The following GPC6 variants were observed in gnomAD, a reference collection of about 807,000 sequenced individuals.
GPC6 encodes glypican-6.
In GPC6, 14 loss-of-function variants were observed where a neutral mutation model predicts 55.2. That is an observed-to-expected ratio of 0.25 (90% confidence interval 0.17 to 0.40). The LOEUF is 0.40. GPC6 is among the 10% of genes least tolerant of loss of function. The pLI, the probability that GPC6 is intolerant of heterozygous loss-of-function variation, is 1.00. For missense variants in GPC6, 641 were observed against 708.5 expected, an observed-to-expected ratio of 0.90 and a Z score of 1.08; for synonymous variants, 278 against 259.6, an observed-to-expected ratio of 1.07 and a Z score of -0.68.
intron 2 of GPC6, among the ~76,000 whole-genome samples, chr13:93,710,688 T>TA (rs1883023153): frequency 7.1e-6 from 1 of 141,236 alleles, no homozygotes; most frequent in African/African-American, 2.7e-5. Flanking sequence ...TCATTTAAAG[T>TA]CCCCCCCCCC....
rs1310036583 is a variant in GPC6, at chr13:93,676,190, CAT to C, written c.319+130776_319+130777del. Reference sequence around the variant, plus strand: ...ATATACATACACACACACACACACACATATATATGTATGTATGTATATGTGTA... The same window carrying C: ...ATATACATACACACACACACACACACATATATGTATGTATGTATATGTGTA... On this transcript the variant is annotated intron_variant, in intron 2 of 8. Transcript: ENST00000377047. 3.0e-3 allele frequency among the ~76,000 whole-genome samples: 222 copies of C among 75,184 alleles called. 4 individuals are homozygous for C. Among genetic ancestry groups the C allele is most frequent in the African/African-American group, 7.6e-3 (181 of 23,764 alleles). 49.3% of individuals were successfully genotyped at this position (75,184 alleles called of 152,430 possible).
intron 2 of GPC6, among the ~76,000 whole-genome samples, chr13:93,822,855 T>A (rs1232009911): frequency 1.4e-5 from 2 of 147,218 alleles, no homozygotes; most frequent in Non-Finnish European, 3.0e-5. Context: ...TTATTATTAT[T>A]TTATTATTAT....
chr13:94,189,949 A>T (rs1889331487), intron 4 of GPC6, among the ~76,000 whole-genome samples: 1 of 147,554 alleles, frequency 6.8e-6, no homozygotes, highest in Non-Finnish European at 1.5e-5. Flanking sequence ...TGAAACTGGG[A>T]GGCGGAGCTT....
At chr13:93,807,179 T>C (rs961845939) in intron 2 of GPC6, among the ~76,000 whole-genome samples, 1 of 152,202 alleles carries the variant, frequency 6.6e-6, no homozygotes, top group African/African-American at 2.4e-5. Flanking sequence ...ATTGCTCTTC[T>C]CCCGTTTCAC....
intron 2 of GPC6, among the ~76,000 whole-genome samples, chr13:93,736,939 A>G (rs1386275661): frequency 6.6e-6 from 1 of 152,192 alleles, no homozygotes. Context: ...ACAATTTCCT[A>G]TTAAGCTTTG....
rs749434761 is a variant in GPC6 at position 93,545,221 on chromosome 13, A to T, written c.161-42A>T. On this transcript the variant is annotated intron_variant, in intron 1 of 8. Transcript: ENST00000377047. Reference sequence around the variant, plus strand: ...AGTGAAATCTCTAACGTCTACCAAAAGTCCTTAGAATGCAATAGTGACATT... The same window carrying T: ...AGTGAAATCTCTAACGTCTACCAAATGTCCTTAGAATGCAATAGTGACATT... 11 of 1,561,410 alleles carry T rather than the reference A, an allele frequency of 7.0e-6. No homozygotes were observed. The African/African-American group carries it at 1.5e-4, about 21-fold the overall frequency.
chr13:94,222,376 A>T (rs1890410944), intron 4 of GPC6, among the ~76,000 whole-genome samples: 1 of 152,126 alleles, frequency 6.6e-6, no homozygotes, highest in African/African-American at 2.4e-5. Context: ...AGATCCAAGG[A>T]TTTGATGTAA....
At chr13:94,224,911 G>A (rs929721265) in intron 4 of GPC6, among the ~76,000 whole-genome samples, 3 of 152,122 alleles carry the variant, frequency 2.0e-5, no homozygotes, top group African/African-American at 4.8e-5. Flanking sequence ...CTTCAGGACC[G>A]TACTGGTAAA....
intron 1 of GPC6, among the ~76,000 whole-genome samples, chr13:93,385,793 A>G (rs894790866): frequency 2.0e-5 from 3 of 152,090 alleles, no homozygotes; most frequent in Admixed American, 1.3e-4. Context: ...TAAGTAAAAT[A>G]TAATTTTATA....
At chr13:93,220,858 T>C in the GPC6 span, among the ~76,000 whole-genome samples, 1 of 152,138 alleles carries the variant, frequency 6.6e-6, no homozygotes, top group African/African-American at 2.4e-5. Context: ...GGGTCATTAA[T>C]ATATATGAAA....
chr13:93,442,073 A>C (rs1257247629), intron 1 of GPC6, among the ~76,000 whole-genome samples: 1 of 152,156 alleles, frequency 6.6e-6, no homozygotes, highest in East Asian at 1.9e-4. Context: ...TAAAGACATG[A>C]ATTCACTTTG....
intron 4 of GPC6, among the ~76,000 whole-genome samples, chr13:94,028,753 T>C (rs892957974): frequency 8.5e-5 from 13 of 152,068 alleles, no homozygotes; most frequent in South Asian, 4.1e-4. Flanking sequence ...GAGGGGAAGG[T>C]CTCTGAATCA....
chr13:94,154,419 GA>G (rs1468881055), intron 4 of GPC6: 1 of 152,066 alleles, frequency 6.6e-6, no homozygotes, highest in African/African-American at 2.4e-5. Context: ...AAAACAAAAA[GA>G]CATGGAAGTT....
At chr13:93,787,156 C>G (rs926714316) in intron 2 of GPC6, among the ~76,000 whole-genome samples, 1 of 152,172 alleles carries the variant, frequency 6.6e-6, no homozygotes, top group African/African-American at 2.4e-5. Flanking sequence ...TCTATTGCCA[C>G]ATTTTTAAAA....
chr13:94,043,927 A>G (rs1883632199), intron 4 of GPC6, among the ~76,000 whole-genome samples: 1 of 151,826 alleles, frequency 6.6e-6, no homozygotes, highest in African/African-American at 2.4e-5. Context: ...TGTTATATTC[A>G]TTGGTAATAG....
chr13:94,255,437 A>G (rs1349260388), intron 4 of GPC6, among the ~76,000 whole-genome samples: 1 of 152,180 alleles, frequency 6.6e-6, no homozygotes, highest in Non-Finnish European at 1.5e-5. Context: ...ACCACTATAG[A>G]AACAGGGAGG....
At chr13:93,745,843 A>T (rs1040129054) in intron 2 of GPC6, among the ~76,000 whole-genome samples, 55 of 152,166 alleles carry the variant, frequency 3.6e-4, no homozygotes, top group African/African-American at 1.2e-3. Flanking sequence ...TTGAGACGAA[A>T]CTCAAAATAA....
intron 6 of GPC6, among the ~76,000 whole-genome samples, chr13:94,349,190 T>G (rs1232378437): frequency 6.6e-6 from 1 of 152,140 alleles, no homozygotes; most frequent in African/African-American, 2.4e-5. Context: ...AATTTCACCT[T>G]CTAACTTACC....
chr13:94,177,968 G>T (rs1305058366), intron 4 of GPC6, among the ~76,000 whole-genome samples: 5 of 150,404 alleles, frequency 3.3e-5, no homozygotes, highest in South Asian at 2.1e-4. Flanking sequence ...CTGTCTTTTG[G>T]TCTGTTAGTT....
Sources: gnomAD v4.1 joint callset for allele counts (sites outside exome capture counted in the v4.1 genomes callset) on GRCh38, gnomAD v4.1.1 for gene constraint, MANE v1.5 for transcripts, NCBI Gene and HGNC (gene_info 2026-07-23, HGNC 2026-07-21) for gene names.